The following ARID2 variants were observed in gnomAD, a reference collection of about 807,000 sequenced individuals.
ARID2 encodes AT-rich interactive domain-containing protein 2.
A neutral mutation model predicts 184.6 loss-of-function variants in ARID2; 32 were observed. That is an observed-to-expected ratio of 0.17 (90% CI 0.13 to 0.23). ARID2 has a LOEUF of 0.23. Ranked by LOEUF, ARID2 falls within the 10% of genes least tolerant of loss-of-function variation. The probability of loss-of-function intolerance (pLI) is 1.00; values close to 1 mark genes in which losing one functional copy is unlikely to be tolerated. For synonymous variants in ARID2, 836 were observed against 772.6 expected (o/e 1.08, Z -1.36); for missense variants, 1,696 against 2,197.6 (o/e 0.77, Z 4.56).
chr12:45,820,903 C>CT (rs977982819), intron 5 of ARID2, among the ~76,000 whole-genome samples: 6 of 152,098 alleles, frequency 3.9e-5, no homozygotes, highest in African/African-American at 1.2e-4. Flanking sequence ...GATAAAGCAA[C>CT]TTTATCGAGA....
chr12:45,907,706 TGTTA>T lies in ARID2; in HGVS notation c.*2629_*2632del, dbSNP rs1449495484. The T allele has an allele frequency of 4.3e-6, 1 of 233,054 alleles. No homozygotes were observed. The highest frequency in any genetic ancestry group is 8.5e-6 in the Non-Finnish European group (1 of 117,790). 14.4% of individuals were successfully genotyped at this position (233,054 alleles called of 1,614,324 possible). A position where few individuals can be genotyped will look rare whatever the true frequency, so the allele number is the denominator to read the frequency against. ...ACAGAAACTTGCTGATTTACAGTAT[TGTTA>T]TTTTTGTCTAAAGTTCTGTAAATAC... is the stretch of plus-strand genomic sequence containing the variant. On this transcript the variant is annotated 3_prime_UTR_variant, in exon 21 of 21. Coordinates refer to ENST00000334344, the MANE Select transcript of ARID2 (RefSeq NM_152641.4).
intron 16 of ARID2, among the ~76,000 whole-genome samples, chr12:45,864,632 G>T (rs1218882538): frequency 6.6e-6 from 1 of 151,826 alleles, no homozygotes; most frequent in Non-Finnish European, 1.5e-5. Flanking sequence ...TGGTAGTTTG[G>T]TCCAAATATT....
intron 3 of ARID2, among the ~76,000 whole-genome samples, chr12:45,797,786 CT>C: frequency 1.3e-5 from 2 of 151,956 alleles, no homozygotes; most frequent in South Asian, 4.2e-4. Context: ...GCTATTCTTT[CT>C]TCACGTGTAT....
chr12:45,742,188 T>TG (rs1941271618), intron 3 of ARID2, among the ~76,000 whole-genome samples: 1 of 152,246 alleles, frequency 6.6e-6, no homozygotes, highest in Non-Finnish European at 1.5e-5. Flanking sequence ...AGTACAGACA[T>TG]GCACTGCATA....
At chr12:45,882,571 C>G (rs1344182948) in intron 16 of ARID2, among the ~76,000 whole-genome samples, 2 of 152,180 alleles carry the variant, frequency 1.3e-5, no homozygotes, top group Non-Finnish European at 2.9e-5. Flanking sequence ...AAACTGCCAT[C>G]TTGATAATGT....
In ARID2 at chr12:45,850,295, C is replaced by T. The variant is rs1943522259; in HGVS notation, c.2172C>T (p.Pro724=). ...VKATVIQNSI[P]QTGVPVSIAV... ...CTACAGTTATCCAGAATTCCATACC[C>T]CAGACAGGAGTTCCTGTTAGTATTG... The change falls in exon 15 of 21, where the codon CCC becomes CCT. Residue 724 remains proline, a synonymous_variant. Coordinates refer to ENST00000334344, the MANE Select transcript of ARID2 (RefSeq NM_152641.4). The T allele has an allele frequency of 6.2e-7, 1 of 1,613,968 alleles. No individual in the cohort carries two copies. Among genetic ancestry groups the T allele is most frequent in the Non-Finnish European group, 8.5e-7 (1 of 1,180,006 alleles).
chr12:45,842,203 T>C (rs1943355533), intron 11 of ARID2: 2 of 150,410 alleles, frequency 1.3e-5, no homozygotes, highest in African/African-American at 4.9e-5. Flanking sequence ...TGGATCCACC[T>C]TAGGCAGTAG....
At chr12:45,896,236 C>T (rs984434729) in intron 20 of ARID2, among the ~76,000 whole-genome samples, 2 of 152,176 alleles carry the variant, frequency 1.3e-5, no homozygotes, top group African/African-American at 4.8e-5. Context: ...ATCAGCCTTA[C>T]AAAAGTGACA....
intron 16 of ARID2, among the ~76,000 whole-genome samples, chr12:45,871,529 T>C (rs1943925337): frequency 1.3e-5 from 2 of 152,210 alleles, no homozygotes; most frequent in Admixed American, 1.3e-4. Context: ...CCTGAGGATG[T>C]TCTCCTCTAT....
At chr12:45,749,153 G>T (rs990673110) in intron 3 of ARID2, among the ~76,000 whole-genome samples, 3 of 152,174 alleles carry the variant, frequency 2.0e-5, no homozygotes, top group African/African-American at 7.2e-5. Flanking sequence ...TATTTCTTAA[G>T]TAATAGACTA....
chr12:45,826,905 C>T (rs1943012762), intron 6 of ARID2, among the ~76,000 whole-genome samples: 1 of 151,894 alleles, frequency 6.6e-6, no homozygotes, highest in South Asian at 2.1e-4. Flanking sequence ...AATTTGTAAC[C>T]TGTTCTTTTC....
chr12:45,867,476 C>CT (rs1431554883), intron 16 of ARID2, among the ~76,000 whole-genome samples: 3 of 148,364 alleles, frequency 2.0e-5, no homozygotes, highest in African/African-American at 7.4e-5. Context: ...GGCGCAGTGG[C>CT]TCATGCCTGT....
At chr12:45,882,097 C>T (rs1051122592) in intron 16 of ARID2, 3 of 160,146 alleles carry the variant, frequency 1.9e-5, no homozygotes, top group Non-Finnish European at 4.1e-5. Context: ...CTCTGGTGTC[C>T]GCGCTTGTAC....
chr12:45,897,609 A>G (rs952849436), intron 20 of ARID2, among the ~76,000 whole-genome samples: 2 of 152,214 alleles, frequency 1.3e-5, no homozygotes, highest in Non-Finnish European at 2.9e-5. Flanking sequence ...ACTTCTGAGT[A>G]TATTCACAAA....
chr12:45,733,224 C>T (rs527335788), intron 3 of ARID2, among the ~76,000 whole-genome samples: 5 of 152,078 alleles, frequency 3.3e-5, no homozygotes, highest in Admixed American at 6.5e-5. Context: ...TAAAGAAATA[C>T]AAAAGAAATA....
intron 13 of ARID2, among the ~76,000 whole-genome samples, 187 bp from the exon 14 acceptor site, chr12:45,849,393 T>C (rs1237229185): frequency 6.6e-6 from 1 of 152,194 alleles, no homozygotes; most frequent in Non-Finnish European, 1.5e-5. Context: ...TAATAAATAA[T>C]GATGTTTTAA....
chr12:45,751,542 G>A (rs1941465313), intron 3 of ARID2, among the ~76,000 whole-genome samples: 2 of 152,230 alleles, frequency 1.3e-5, no homozygotes, highest in Admixed American at 6.5e-5. Flanking sequence ...GAACCAAAGA[G>A]TCTTGATAGA....
intron 12 of ARID2, among the ~76,000 whole-genome samples, chr12:45,848,412 G>A (rs35117): frequency 0.61 from 93,259 of 151,914 alleles, 30,679 homozygotes; most frequent in African/African-American, 0.87. Context: ...AAGAGCCAAG[G>A]AAAGTTTAAC....
chr12:45,898,408 A>G (rs945108368), intron 20 of ARID2, among the ~76,000 whole-genome samples: 1 of 152,190 alleles, frequency 6.6e-6, no homozygotes, highest in Non-Finnish European at 1.5e-5. Context: ...TGAACTGTAC[A>G]CTTAAAAGTG....
Sources: gnomAD v4.1 joint callset for allele counts (sites outside exome capture counted in the v4.1 genomes callset) on GRCh38, gnomAD v4.1.1 for gene constraint, MANE v1.5 for transcripts, NCBI Gene and HGNC (gene_info 2026-07-23, HGNC 2026-07-21) for gene names.